Variants in ASB7 observed in about 807,000 individuals in gnomAD.
ASB7 encodes ankyrin repeat and SOCS box containing 7, also known as ankyrin repeat and SOCS box protein 7.
In ASB7, 4 loss-of-function variants were observed where a neutral mutation model predicts 32.5. The ratio of observed to expected loss-of-function variants is 0.12; its 90% CI spans 0.06 to 0.28. The LOEUF is 0.28. Among genes scored for constraint, ASB7 ranks in the 10% least tolerant of loss-of-function variants. The probability of loss-of-function intolerance (pLI) is 1.00; values close to 1 mark genes in which losing one functional copy is unlikely to be tolerated. For synonymous variants in ASB7, 172 were observed against 155.6 expected, an observed-to-expected ratio of 1.11 and a Z score of -0.78; for missense variants, 181 against 407.1, an observed-to-expected ratio of 0.44 and a Z score of 4.78.
At chr15:100,624,775 A>G (rs1282466400) in intron 4 of ASB7, among the ~76,000 whole-genome samples, 1 of 152,230 alleles carries the variant, frequency 6.6e-6, no homozygotes, top group Non-Finnish European at 1.5e-5. Context: ...AGCTTGTTGT[A>G]TGAGGCTTGT....
Position 100,602,848 on chromosome 15 carries a change from C to T in ASB7, c.-471C>T. ...CCTCCCTGCCTCCCTGCACCTCTGCCCCAAGGCTGCCCGGCGGCCGGGATC... is the reference window on the plus strand; with the variant it reads ...CCTCCCTGCCTCCCTGCACCTCTGCTCCAAGGCTGCCCGGCGGCCGGGATC... On this transcript the variant is annotated 5_prime_UTR_variant, in exon 1 of 6. Transcript: ENST00000332783. The T allele has an allele frequency of 2.5e-6, 1 of 394,888 alleles. No individual in the cohort carries two copies. The highest frequency in any genetic ancestry group is 4.5e-6 in the Non-Finnish European group (1 of 224,264). 24.5% of individuals were successfully genotyped at this position (394,888 alleles called of 1,614,324 possible). A position where few individuals can be genotyped will look rare whatever the true frequency, so the allele number is the denominator to read the frequency against.
At position 100,649,288 on chromosome 15, in the gene ASB7, AT is replaced by A. The variant is rs1346369055; in HGVS notation, c.*829del. 3 of 152,152 alleles carry A rather than the reference AT, an allele frequency of 2.0e-5. No homozygotes were observed. Among genetic ancestry groups the A allele is most frequent in the African/African-American group, 7.2e-5 (3 of 41,438 alleles). The allele number at this position is 152,152 out of a possible 1,614,324, so 9.4% of individuals were successfully genotyped here. A position where few individuals can be genotyped will look rare whatever the true frequency, so the allele number is the denominator to read the frequency against. ...TCCATTATTTCACTTGCTGGTCGTC[AT>A]TTCACAGCCAGCTTTGACATGCCCG... On this transcript the variant is annotated 3_prime_UTR_variant, in exon 6 of 6. Coordinates refer to ENST00000332783, the MANE Select transcript of ASB7 (RefSeq NM_198243.3).
In ASB7 at chr15:100,610,984, G is replaced by A. The variant is rs151178738; in HGVS notation, c.-52+1156G>A. Among the ~76,000 whole-genome samples, 716 of 152,304 alleles carry A rather than the reference G, an allele frequency of 4.7e-3. 3 individuals carry two copies. The highest frequency in any genetic ancestry group is 7.0e-3 in the Non-Finnish European group (476 of 68,026). On this transcript the variant is annotated intron_variant, in intron 3 of 5. Transcript: ENST00000332783. ...GTTTTTGTATACACACATGTAAGATGCAACTTTTTACCATTTCACTTTGGA... is the reference window on the plus strand; with the variant it reads ...GTTTTTGTATACACACATGTAAGATACAACTTTTTACCATTTCACTTTGGA...
chr15:100,649,752 G>A lies in ASB7; in HGVS notation c.*1290G>A, dbSNP rs576971784. ...CCCAGAGGCATTAGGCATCTAAGAG[G>A]ATGCCCTCAGAAACGTATTCTGGCT... On this transcript the variant is annotated 3_prime_UTR_variant, in exon 6 of 6. Coordinates refer to ENST00000332783, the MANE Select transcript of ASB7 (RefSeq NM_198243.3). 6.6e-6 allele frequency: 1 copy of A among 152,364 alleles called. No homozygotes were observed. Among genetic ancestry groups the A allele is most frequent in the African/African-American group, 2.4e-5 (1 of 41,592 alleles). 9.4% of individuals were successfully genotyped at this position (152,364 alleles called of 1,614,324 possible).
chr15:100,636,509 G>T (rs1434356263), intron 5 of ASB7, among the ~76,000 whole-genome samples: 1 of 152,128 alleles, frequency 6.6e-6, no homozygotes. Flanking sequence ...AGGCGCTGTT[G>T]AATCAGTAGA....
intron 2 of ASB7, among the ~76,000 whole-genome samples, chr15:100,604,812 A>G (rs1257497441): frequency 6.6e-6 from 1 of 152,316 alleles, no homozygotes; most frequent in African/African-American, 2.4e-5. Context: ...GCTAATTTTT[A>G]TTATGTAAGT....
In ASB7 at chr15:100,628,720, ATCAG is replaced by A. The variant is rs539594188; in HGVS notation, c.212-713_212-710del. 2.5e-3 allele frequency among the ~76,000 whole-genome samples: 387 copies of A among 152,322 alleles called. 2 individuals carry two copies. The highest frequency in any genetic ancestry group is 4.8e-3 in the Non-Finnish European group (329 of 68,028). On this transcript the variant is annotated intron_variant, in intron 4 of 5. Transcript: ENST00000332783. ...TATAGTTGTTTTTCCTTCCCCAGAG[ATCAG>A]TCAATTAGGAGAGGTTTTTGGAACT...
intron 4 of ASB7, among the ~76,000 whole-genome samples, chr15:100,628,679 A>G (rs764884948): frequency 3.3e-5 from 5 of 152,386 alleles, no homozygotes; most frequent in East Asian, 1.9e-4. Flanking sequence ...CTTGAGTCAC[A>G]TAGCAGATAA....
At chr15:100,634,404 T>G (rs928611620) in intron 5 of ASB7, among the ~76,000 whole-genome samples, 3 of 152,230 alleles carry the variant, frequency 2.0e-5, no homozygotes, top group African/African-American at 7.2e-5. Flanking sequence ...TATATGTTTT[T>G]GGGGAAAACC....
chr15:100,611,253 G>A (rs527756460), intron 3 of ASB7, among the ~76,000 whole-genome samples: 4 of 152,066 alleles, frequency 2.6e-5, no homozygotes, highest in Admixed American at 6.6e-5. Context: ...GGGTCTCACT[G>A]TGTTGTCCAG....
At chr15:100,610,016 A>T (rs970640710) in intron 3 of ASB7, among the ~76,000 whole-genome samples, 188 bp downstream of exon 3, 14 of 152,208 alleles carry the variant, frequency 9.2e-5, no homozygotes, top group African/African-American at 3.4e-4. Flanking sequence ...CAACATAATC[A>T]CTTAATTAAA....
chr15:100,621,927 G>T (rs1237710167), intron 4 of ASB7, among the ~76,000 whole-genome samples: 1 of 151,310 alleles, frequency 6.6e-6, no homozygotes, highest in Admixed American at 6.6e-5. Context: ...ATTCTCTGTA[G>T]TATTGGAAAT....
In ASB7 at chr15:100,648,923, G is replaced by A. The variant is rs139564339; in HGVS notation, c.*461G>A. On this transcript the variant is annotated 3_prime_UTR_variant, in exon 6 of 6. Coordinates refer to ENST00000332783, the MANE Select transcript of ASB7 (RefSeq NM_198243.3). The stretch of plus-strand genomic sequence containing the variant: ...GAAAATGCCCTAAGAAATGTTTGAA[G>A]TAACGCTGTCACCTCATTCATTTTT... 2.6e-5 allele frequency: 4 copies of A among 152,916 alleles called. No homozygotes were observed. Among genetic ancestry groups the A allele is most frequent in the Admixed American group, 2.0e-4 (3 of 15,324 alleles). The allele number at this position is 152,916 out of a possible 1,614,324, so 9.5% of individuals were successfully genotyped here.
At chr15:100,608,968 A>G (rs1433809655) in intron 2 of ASB7, among the ~76,000 whole-genome samples, 2 of 152,178 alleles carry the variant, frequency 1.3e-5, no homozygotes, top group Non-Finnish European at 2.9e-5. Context: ...ATGAGGTAGT[A>G]GTTCTCCCAA....
intron 3 of ASB7, among the ~76,000 whole-genome samples, chr15:100,610,187 A>G (rs2141387495): frequency 6.6e-6 from 1 of 152,348 alleles, no homozygotes; most frequent in Middle Eastern, 3.4e-3. Context: ...GAAGGAATTG[A>G]GAGAAGAAAT....
chr15:100,616,274 G>A (rs2039742061), intron 4 of ASB7, among the ~76,000 whole-genome samples: 1 of 151,534 alleles, frequency 6.6e-6, no homozygotes, highest in Non-Finnish European at 1.5e-5. Context: ...ATTCTCCTTT[G>A]TTAGATTTTG....
At chr15:100,641,704 C>T (rs527296830) in intron 5 of ASB7, among the ~76,000 whole-genome samples, 1 of 152,344 alleles carries the variant, frequency 6.6e-6, no homozygotes, top group South Asian at 2.1e-4. Context: ...ACTGTCCTGA[C>T]ACCAGGAAGG....
At chr15:100,615,704 A>G (rs750566160) in intron 4 of ASB7, among the ~76,000 whole-genome samples, 2 of 152,218 alleles carry the variant, frequency 1.3e-5, no homozygotes, top group African/African-American at 4.8e-5. Flanking sequence ...GAGATAGTCT[A>G]TGCATGTAGG....
At chr15:100,625,833 A>G (rs2039832500) in intron 4 of ASB7, among the ~76,000 whole-genome samples, 2 of 152,214 alleles carry the variant, frequency 1.3e-5, no homozygotes, top group Non-Finnish European at 1.5e-5. Flanking sequence ...TTTTAGGTCA[A>G]TGGAACAAAA....
Sources: gnomAD v4.1 joint callset for allele counts (sites outside exome capture counted in the v4.1 genomes callset) on GRCh38, gnomAD v4.1.1 for gene constraint, MANE v1.5 for transcripts, NCBI Gene and HGNC (gene_info 2026-07-23, HGNC 2026-07-21) for gene names.